Variants in CNBD2 observed in about 807,000 individuals in gnomAD.
The protein encoded by CNBD2 is cyclic nucleotide-binding domain-containing protein 2.
A neutral mutation model predicts 63.7 loss-of-function variants in CNBD2; 64 were observed. The ratio of observed to expected loss-of-function variants is 1.00; its 90% confidence interval spans 0.82 to 1.24. The LOEUF (loss-of-function observed/expected upper bound fraction) is 1.24. Ranked by LOEUF, CNBD2 falls within the 50% of genes most tolerant of loss-of-function variation. The pLI, the probability that CNBD2 is intolerant of heterozygous loss-of-function variation, is 0.00. For missense variants in CNBD2, 691 were observed against 713.5 expected (o/e 0.97, Z 0.36); for synonymous variants, 229 against 255.4 (o/e 0.90, Z 0.99).
At chr20:36,022,195 C>A (rs866093132) in intron 10 of CNBD2, among the ~76,000 whole-genome samples, 6 of 56,310 alleles carry the variant, frequency 1.1e-4, no homozygotes, top group African/African-American at 7.8e-5. Context: ...TTTTTTTTTT[C>A]TTTTTTTTTT....
At chr20:36,027,244 C>T (rs1159644988) in intron 11 of CNBD2, among the ~76,000 whole-genome samples, 1 of 152,116 alleles carries the variant, frequency 6.6e-6, no homozygotes, top group Non-Finnish European at 1.5e-5. Context: ...GTTTTGGCAG[C>T]AGGTGTGGGA....
At chr20:35,954,792 G>A (rs1361599433) in exon 1 of CNBD2, 2 of 392,504 alleles carry the variant, frequency 5.1e-6, no homozygotes, top group African/African-American at 2.1e-5. Context: ...GATTGACCCT[G>A]ATGAGCTGTA....
At chr20:35,978,684 G>T (rs374383716) in intron 3 of CNBD2, among the ~76,000 whole-genome samples, 1 of 152,258 alleles carries the variant, frequency 6.6e-6, no homozygotes, top group African/African-American at 2.4e-5. Context: ...AGAGATGAGG[G>T]TCTTGCCATA....
At chr20:35,976,378 G>A (rs2056518817) in intron 3 of CNBD2, among the ~76,000 whole-genome samples, 1 of 152,130 alleles carries the variant, frequency 6.6e-6, no homozygotes, top group Admixed American at 6.6e-5. Flanking sequence ...TGTGAATTCT[G>A]GTTCTACCCT....
intron 11 of CNBD2, 118 bp from the exon 12 acceptor site, chr20:36,030,239 G>C: frequency 1.0e-6 from 1 of 977,600 alleles, no homozygotes; most frequent in Non-Finnish European, 1.6e-6. Flanking sequence ...AGGAGAGTCT[G>C]GGAGGGTCAG....
At chr20:35,958,640 T>TTGTGTG (rs141670470), downstream of CNBD2, among the ~76,000 whole-genome samples, 1 of 149,462 alleles carries the variant, frequency 6.7e-6, no homozygotes, top group African/African-American at 2.4e-5. Context: ...ATACATGCAT[T>TTGTGTG]TGTGTGTGTG....
intron 9 of CNBD2, 78 bp downstream of exon 9, chr20:36,008,552 A>T: frequency 7.2e-7 from 1 of 1,395,036 alleles, no homozygotes; most frequent in Middle Eastern, 2.0e-4. Flanking sequence ...GCAGAATGTC[A>T]GGGATGCGGA....
intron 11 of CNBD2, among the ~76,000 whole-genome samples, chr20:36,025,826 A>G (rs748863601): frequency 6.6e-6 from 1 of 152,130 alleles, no homozygotes; most frequent in Non-Finnish European, 1.5e-5. Flanking sequence ...ACTCCCTGGT[A>G]TGTATATGTA....
chr20:36,008,450 C>G lies in CNBD2; in HGVS notation c.1124C>G (p.Pro375Arg). 1.2e-6 allele frequency: 2 copies of G among 1,612,168 alleles called. No homozygotes were observed. The highest frequency in any genetic ancestry group is 1.7e-6 in the Non-Finnish European group (2 of 1,179,518). Residue 375 changes from proline to arginine, a missense_variant, in exon 9 of 12, where the codon CCC becomes CGC. Transcript: ENST00000373973. ...RKIRTSGDTL[P>R]KMLGPKIQSR... Reference sequence around the variant, plus strand: ...ATCAGAACCTCAGGAGACACTCTCCCCAAGATGCTGGGCCCGAAGATCCAG... The same window carrying G: ...ATCAGAACCTCAGGAGACACTCTCCGCAAGATGCTGGGCCCGAAGATCCAG...
chr20:35,981,744 T>C (rs2056602017), intron 4 of CNBD2, among the ~76,000 whole-genome samples: 1 of 152,162 alleles, frequency 6.6e-6, no homozygotes, highest in South Asian at 2.1e-4. Context: ...CTGGCTTGCC[T>C]CTTTCCTACA....
intron 8 of CNBD2, among the ~76,000 whole-genome samples, chr20:36,008,064 T>A (rs2057007863): frequency 6.6e-6 from 1 of 152,182 alleles, no homozygotes; most frequent in Admixed American, 6.5e-5. Flanking sequence ...TCTCTTAAAG[T>A]GTGTTAATCA....
Position 35,998,639 on chromosome 20 carries a change from C to T in CNBD2, c.970+3487C>T, listed in dbSNP as rs530995395. 3.0e-3 allele frequency among the ~76,000 whole-genome samples: 455 copies of T among 151,930 alleles called. 3 individuals carry two copies. The highest frequency in any genetic ancestry group is 9.1e-3 in the South Asian group (44 of 4,810). On this transcript the variant is annotated intron_variant, in intron 8 of 11. Coordinates refer to ENST00000373973, the MANE Select transcript of CNBD2 (RefSeq NM_001365709.1). ...ATCCCAGCACTTTGGGAGGCCAAGG[C>T]GGGCAGATCACCTGAGGTCAGGAGT... is the stretch of plus-strand genomic sequence containing the variant.
chr20:35,976,501 G>C (rs1601024531), intron 3 of CNBD2, among the ~76,000 whole-genome samples: 1 of 152,152 alleles, frequency 6.6e-6, no homozygotes, highest in East Asian at 1.9e-4. Context: ...GAGGTGGGAG[G>C]ATCACTTGAG....
chr20:35,954,456 GC>G, upstream of CNBD2: 1 of 1,548,854 alleles, frequency 6.5e-7, no homozygotes, highest in Non-Finnish European at 8.7e-7. Flanking sequence ...ACCTGCACCA[GC>G]GAAGCGCCTG....
chr20:36,027,429 A>G (rs2057295256), intron 11 of CNBD2, among the ~76,000 whole-genome samples: 1 of 152,234 alleles, frequency 6.6e-6, no homozygotes, highest in African/African-American at 2.4e-5. Flanking sequence ...GCAAAACAAG[A>G]AAATTAGAGT....
chr20:36,006,702 G>A (rs2056989819), intron 8 of CNBD2, among the ~76,000 whole-genome samples: 1 of 152,170 alleles, frequency 6.6e-6, no homozygotes, highest in South Asian at 2.1e-4. Context: ...AGTGGCGTGA[G>A]CCACTGCGCC....
chr20:35,963,076 G>A (rs2056320250), intron 2 of CNBD2, among the ~76,000 whole-genome samples: 1 of 152,114 alleles, frequency 6.6e-6, no homozygotes, highest in Non-Finnish European at 1.5e-5. Flanking sequence ...GGGCGTGGTG[G>A]CTCACATCTC....
downstream of CNBD2, among the ~76,000 whole-genome samples, chr20:35,956,701 G>A (rs2056260196): frequency 6.6e-6 from 1 of 152,314 alleles, no homozygotes; most frequent in Non-Finnish European, 1.5e-5. Context: ...GCTATTCCCT[G>A]TGTGGTAACA....
intron 8 of CNBD2, 134 bp from the exon 9 acceptor site, chr20:36,008,163 C>A (rs1489893483): frequency 1.5e-5 from 10 of 668,352 alleles, no homozygotes; most frequent in Non-Finnish European, 2.5e-5. Flanking sequence ...TTTTATCTTT[C>A]TTTTTTTTTT....
Sources: allele counts gnomAD v4.1 joint callset (sites outside exome capture counted in the v4.1 genomes callset), GRCh38; gene constraint gnomAD v4.1.1; transcripts MANE v1.5; gene names NCBI Gene and HGNC (gene_info 2026-07-23, HGNC 2026-07-21).